The following PKN2 variants were observed in gnomAD, a reference collection of about 807,000 sequenced individuals.
PKN2 encodes serine/threonine-protein kinase N2.
PKN2 carries 38 observed loss-of-function variants against 119.1 expected under a neutral mutation model. That is an observed-to-expected ratio of 0.32 (90% CI 0.25 to 0.42). PKN2 has a LOEUF of 0.42. PKN2 is among the 10% of genes least tolerant of loss of function. The pLI, the probability that PKN2 is intolerant of heterozygous loss-of-function variation, is 1.00. For missense variants in PKN2, 850 were observed against 1,165.1 expected (o/e 0.73, Z 3.94); for synonymous variants, 390 against 384.9 (o/e 1.01, Z -0.15).
chr1:88,744,397 C>T (rs899074773), intron 2 of PKN2, among the ~76,000 whole-genome samples: 12 of 152,212 alleles, frequency 7.9e-5, no homozygotes, highest in Admixed American at 3.3e-4. Flanking sequence ...TAAATCATTA[C>T]TGTCTAAGTG....
At chr1:88,820,079 C>T (rs182909812) in intron 16 of PKN2, among the ~76,000 whole-genome samples, 45 of 150,550 alleles carry the variant, frequency 3.0e-4, no homozygotes, top group African/African-American at 9.8e-4. Flanking sequence ...CACCATGACA[C>T]GTGAATACCT....
rs1214062174 is a variant in PKN2 at position 88,741,017 on chromosome 1, G to A, written c.78G>A (p.Glu26=). 6.4e-7 allele frequency: 1 copy of A among 1,574,722 alleles called. No individual in the cohort carries two copies. The highest frequency in any genetic ancestry group is 8.6e-7 in the Non-Finnish European group (1 of 1,166,574). The change falls in exon 2 of 22, where the codon GAG becomes GAA. Residue 26 remains glutamate (E), a synonymous_variant. Coordinates refer to ENST00000370521, the MANE Select transcript of PKN2 (RefSeq NM_006256.4). ...ATTCCCGAAGTCTTCCGTTTTCTGA[G>A]AATGTGAGTGCTGTTCAAAAATTAG... The part of the protein sequence containing the change: ...QGDSRSLPFS[E]NVSAVQKLDF...
At chr1:88,694,174 C>T (rs1317682296) in intron 1 of PKN2, among the ~76,000 whole-genome samples, 2 of 152,152 alleles carry the variant, frequency 1.3e-5, no homozygotes, top group African/African-American at 4.8e-5. Context: ...TGGTGTTGTG[C>T]ATTCTATGGG....
At position 88,760,485 on chromosome 1, in the gene PKN2, T is replaced by C. The variant is rs538225978; in HGVS notation, c.504+109T>C. On this transcript the variant is annotated intron_variant, in intron 3 of 21. Coordinates refer to ENST00000370521, the MANE Select transcript of PKN2 (RefSeq NM_006256.4). ...TTATTAGTAACTCCAACATCAGTAC[T>C]GGTGGCATGGCACTTTGGCAGTCAT... 30 of 592,974 alleles carry C rather than the reference T, an allele frequency of 5.1e-5. No individual in the cohort carries two copies. In the East Asian group the frequency reaches 9.1e-4, roughly 18 times the overall value. 36.7% of individuals were successfully genotyped at this position (592,974 alleles called of 1,614,324 possible). A position where few individuals can be genotyped will look rare whatever the true frequency, so the allele number is the denominator to read the frequency against.
intron 1 of PKN2, among the ~76,000 whole-genome samples, chr1:88,726,150 G>C (rs1206631050): frequency 1.3e-5 from 2 of 152,126 alleles, no homozygotes; most frequent in Non-Finnish European, 2.9e-5. Context: ...AATAGGGGGA[G>C]TTTTATTTCC....
intron 8 of PKN2, among the ~76,000 whole-genome samples, chr1:88,798,228 A>G (rs190267756): frequency 1.3e-4 from 19 of 151,782 alleles, no homozygotes; most frequent in Admixed American, 1.2e-3. Flanking sequence ...ATGACCAAGC[A>G]GAAGCAGATA....
intron 6 of PKN2, among the ~76,000 whole-genome samples, chr1:88,776,265 A>G (rs1265896168): frequency 1.1e-5 from 1 of 93,254 alleles, no homozygotes; most frequent in African/African-American, 4.1e-5. Context: ...CCCACCCGTC[A>G]CTTCTCCCAT....
In PKN2 at chr1:88,807,695, T is replaced by G; in HGVS notation, c.2022T>G (p.Ala674=). 3 of 1,594,148 alleles carry G rather than the reference T, an allele frequency of 1.9e-6. No individual in the cohort carries two copies. The highest frequency in any genetic ancestry group is 2.6e-6 in the Non-Finnish European group (3 of 1,168,110). The change falls in exon 15 of 22, where the codon GCT becomes GCG. Residue 674 remains alanine (A), a synonymous_variant. Coordinates refer to ENST00000370521, the MANE Select transcript of PKN2 (RefSeq NM_006256.4). ...GRGHFGKVLL[A]EYKNTNEMFA... is the part of the protein sequence containing the mutation. Reference sequence around the variant, plus strand: ...TAATTTTATTTCAGGTGCTTTTAGCTGAATATAAAAACACAAATGAGATGT... The same window carrying G: ...TAATTTTATTTCAGGTGCTTTTAGCGGAATATAAAAACACAAATGAGATGT...
chr1:88,715,765 T>C (rs183806390), intron 1 of PKN2, among the ~76,000 whole-genome samples: 3 of 152,358 alleles, frequency 2.0e-5, no homozygotes, highest in South Asian at 2.1e-4. Flanking sequence ...CATTGATTTT[T>C]TGAAGGGTTC....
chr1:88,823,703 T>TAAAA (rs61234342), intron 17 of PKN2, among the ~76,000 whole-genome samples: 1 of 65,790 alleles, frequency 1.5e-5, no homozygotes. Context: ...GACTCTGTCT[T>TAAAA]AAAAAAAAAA....
intron 6 of PKN2, among the ~76,000 whole-genome samples, chr1:88,775,379 G>C (rs11802253): frequency 0.067 from 10,182 of 152,160 alleles, 699 homozygotes; most frequent in African/African-American, 0.18. Flanking sequence ...TTTCACATTG[G>C]TTTCTTTCAC....
chr1:88,833,019 A>T, intron 20 of PKN2, 58 bp from the exon 21 acceptor site: 1 of 1,446,196 alleles, frequency 6.9e-7, no homozygotes, highest in South Asian at 1.3e-5. Flanking sequence ...AATAATCCTT[A>T]TCAGTGAATT....
chr1:88,829,336 A>AG, intron 19 of PKN2: 2 of 442,186 alleles, frequency 4.5e-6, no homozygotes, highest in South Asian at 2.8e-5. Flanking sequence ...CTACACCAAC[A>AG]GCTCCACCGA....
intron 19 of PKN2, among the ~76,000 whole-genome samples, chr1:88,832,458 A>G (rs952336458): frequency 2.0e-5 from 3 of 152,028 alleles, no homozygotes; most frequent in African/African-American, 7.2e-5. Flanking sequence ...GAAAAGTCAT[A>G]TCATATATGA....
rs935097237 is a variant in PKN2 at position 88,684,681 on chromosome 1, C to A, written c.48+53C>A. ...GCTGGCGGAGGAGACAGGGAGAGAGCCCCGCGCGGCGTCGGGGACCGAGGA... is the reference window on the plus strand; with the variant it reads ...GCTGGCGGAGGAGACAGGGAGAGAGACCCGCGCGGCGTCGGGGACCGAGGA... On this transcript the variant is annotated intron_variant, in intron 1 of 21. Coordinates refer to ENST00000370521, the MANE Select transcript of PKN2 (RefSeq NM_006256.4). 7 of 1,426,806 alleles carry A rather than the reference C, an allele frequency of 4.9e-6. No individual in the cohort carries two copies. In the African/African-American group the frequency reaches 7.5e-5, roughly 15 times the overall value. 88.4% of individuals were successfully genotyped at this position (1,426,806 alleles called of 1,614,324 possible). A position where few individuals can be genotyped will look rare whatever the true frequency, so the allele number is the denominator to read the frequency against.
chr1:88,698,045 T>A (rs1666612883), intron 1 of PKN2, among the ~76,000 whole-genome samples: 1 of 152,198 alleles, frequency 6.6e-6, no homozygotes, highest in Non-Finnish European at 1.5e-5. Context: ...CTTTAGCCCT[T>A]TAGTCCTGAA....
chr1:88,728,757 A>C (rs1452471144), intron 1 of PKN2, among the ~76,000 whole-genome samples: 1 of 152,070 alleles, frequency 6.6e-6, no homozygotes, highest in Non-Finnish European at 1.5e-5. Context: ...CAACGGGAGG[A>C]GGCTAGAGTG....
At chr1:88,728,016 C>CTTTTTTTTTTTT (rs34460979) in intron 1 of PKN2, among the ~76,000 whole-genome samples, 1 of 130,786 alleles carries the variant, frequency 7.6e-6, no homozygotes, top group Non-Finnish European at 1.6e-5. Context: ...TTTCTTGGGG[C>CTTTTTTTTTTTT]TTTTTTTTTT....
intron 1 of PKN2, among the ~76,000 whole-genome samples, chr1:88,720,421 C>T (rs1667627354): frequency 1.3e-5 from 2 of 152,154 alleles, no homozygotes; most frequent in Non-Finnish European, 2.9e-5. Context: ...ATTGGAGTCA[C>T]TTCCCAACCT....
Sources: allele counts gnomAD v4.1 joint callset (sites outside exome capture counted in the v4.1 genomes callset), GRCh38; gene constraint gnomAD v4.1.1; transcripts MANE v1.5; gene names NCBI Gene and HGNC (gene_info 2026-07-23, HGNC 2026-07-21).